Variants in BMPR2 observed in about 807,000 individuals in gnomAD.
BMPR2 encodes the protein bone morphogenetic protein receptor type-2.
In BMPR2, 29 loss-of-function variants were observed where a neutral mutation model predicts 100.8. That is an observed-to-expected ratio of 0.29 (90% CI 0.21 to 0.39). The LOEUF is 0.39. Ranked by LOEUF, BMPR2 falls within the 10% of genes least tolerant of loss-of-function variation. The pLI, the probability that BMPR2 is intolerant of heterozygous loss-of-function variation, is 1.00. For missense variants in BMPR2, 1,011 were observed against 1,274.5 expected (o/e 0.79, Z 3.15); for synonymous variants, 382 against 442.3 (o/e 0.86, Z 1.71).
At chr2:202,411,597 A>T (rs1455583652) in intron 1 of BMPR2, among the ~76,000 whole-genome samples, 2 of 151,964 alleles carry the variant, frequency 1.3e-5, no homozygotes, top group Non-Finnish European at 2.9e-5. Context: ...AGCAGGAGTG[A>T]CTCCATTCAG....
intron 1 of BMPR2, among the ~76,000 whole-genome samples, chr2:202,413,146 G>A (rs534452411): frequency 6.6e-6 from 1 of 152,142 alleles, no homozygotes; most frequent in African/African-American, 2.4e-5. Flanking sequence ...CTTGTTTCAG[G>A]TCTCATGCCA....
intron 2 of BMPR2, among the ~76,000 whole-genome samples, chr2:202,466,747 C>T (rs1201916114): frequency 6.6e-6 from 1 of 151,836 alleles, no homozygotes; most frequent in African/African-American, 2.4e-5. Flanking sequence ...CACAACTAGG[C>T]ACCACCATTC....
chr2:202,535,911 C>T (rs956793671), intron 9 of BMPR2, among the ~76,000 whole-genome samples: 1 of 152,188 alleles, frequency 6.6e-6, no homozygotes, highest in Non-Finnish European at 1.5e-5. Context: ...AGCGAAACCC[C>T]GTCTCCACCA....
intron 3 of BMPR2, among the ~76,000 whole-genome samples, chr2:202,512,205 C>CT (rs1436549598): frequency 1.3e-5 from 2 of 152,164 alleles, no homozygotes; most frequent in Non-Finnish European, 2.9e-5. Flanking sequence ...TAGAGGAACT[C>CT]TTTGCCGTAG....
intron 1 of BMPR2, among the ~76,000 whole-genome samples, chr2:202,386,151 A>G (rs1425843703): frequency 6.6e-6 from 1 of 152,000 alleles, no homozygotes; most frequent in Non-Finnish European, 1.5e-5. Flanking sequence ...GTCTGCACCC[A>G]CCCTCTTGGT....
At chr2:202,483,391 T>A (rs1559052031) in intron 3 of BMPR2, among the ~76,000 whole-genome samples, 1 of 151,402 alleles carries the variant, frequency 6.6e-6, no homozygotes, top group South Asian at 2.1e-4. Context: ...TTGTTTTTGT[T>A]TTTTTTTTGA....
At chr2:202,546,534 C>T (rs1391355501) in intron 10 of BMPR2, among the ~76,000 whole-genome samples, 2 of 152,108 alleles carry the variant, frequency 1.3e-5, no homozygotes, top group Admixed American at 6.5e-5. Context: ...CTTTTTCTTC[C>T]TATATGTTTC....
intron 12 of BMPR2, among the ~76,000 whole-genome samples, chr2:202,558,155 C>T (rs974940207): frequency 1.3e-5 from 2 of 152,108 alleles, no homozygotes; most frequent in Admixed American, 6.5e-5. Context: ...TCCATCTCTA[C>T]AAAAAATTTA....
rs1201258357 is a variant in BMPR2 at position 202,450,699 on chromosome 2, A to G, written c.77-14110A>G. Among the ~76,000 whole-genome samples, 7 of 151,928 alleles carry G rather than the reference A, an allele frequency of 4.6e-5. No individual in the cohort carries two copies. In the East Asian group the frequency reaches 1.3e-3, roughly 29 times the overall value. Reference sequence around the variant, plus strand: ...AAAGTGAAACTCCATCTCAAAAAAAAAAAAAAAAAAAAAGATTTCACCATA... The same window carrying G: ...AAAGTGAAACTCCATCTCAAAAAAAGAAAAAAAAAAAAAGATTTCACCATA... On this transcript the variant is annotated intron_variant, in intron 1 of 12. Transcript: ENST00000374580.
At chr2:202,450,416 G>A (rs1691953583) in intron 1 of BMPR2, among the ~76,000 whole-genome samples, 1 of 152,182 alleles carries the variant, frequency 6.6e-6, no homozygotes, top group Non-Finnish European at 1.5e-5. Context: ...CATGGGCTGG[G>A]CGAGGTGGCT....
intron 1 of BMPR2, among the ~76,000 whole-genome samples, chr2:202,394,367 A>G (rs1227424042): frequency 2.0e-5 from 3 of 151,496 alleles, no homozygotes; most frequent in Non-Finnish European, 4.4e-5. Context: ...AAAAAAAGTA[A>G]TAATAATAAT....
chr2:202,496,714 A>G (rs1178109671), intron 3 of BMPR2, among the ~76,000 whole-genome samples: 1 of 152,230 alleles, frequency 6.6e-6, no homozygotes, highest in Non-Finnish European at 1.5e-5. Context: ...GGAAAAAATA[A>G]TGTTCAGAAC....
chr2:202,470,682 T>G (rs1692418815), intron 3 of BMPR2, among the ~76,000 whole-genome samples: 1 of 147,408 alleles, frequency 6.8e-6, no homozygotes, highest in Admixed American at 6.9e-5. Context: ...GAGAATGGCG[T>G]GAACCCGGGA....
At chr2:202,387,795 G>T (rs1574421409) in intron 1 of BMPR2, among the ~76,000 whole-genome samples, 2 of 152,230 alleles carry the variant, frequency 1.3e-5, no homozygotes, top group East Asian at 3.9e-4. Flanking sequence ...TGTTCTTAGT[G>T]ATTAAAACCC....
chr2:202,417,789 G>T (rs1691166953), intron 1 of BMPR2, among the ~76,000 whole-genome samples: 2 of 151,394 alleles, frequency 1.3e-5, no homozygotes, highest in Non-Finnish European at 2.9e-5. Context: ...TGCCATCTCG[G>T]CTCACTGCAA....
chr2:202,543,191 C>CATATATATATATATTTATATACATATAT (rs1688309142), intron 10 of BMPR2, among the ~76,000 whole-genome samples: 2 of 101,444 alleles, frequency 2.0e-5, no homozygotes, highest in African/African-American at 9.1e-5. Flanking sequence ...AAAAAAAAAG[C>CATATATATATATATTTATATACATATAT]ATATATATAT....
chr2:202,456,063 CAAAAAAAAAAAAAAAAAAA>C (rs750470872), intron 1 of BMPR2, among the ~76,000 whole-genome samples: 28 of 36,762 alleles, frequency 7.6e-4, no homozygotes, highest in South Asian at 4.7e-3. Flanking sequence ...AGACCCGTCT[CAAAAAAAAAAAAAAAAAAA>C]AAAAAAAAAA....
intron 1 of BMPR2, among the ~76,000 whole-genome samples, chr2:202,452,764 C>T (rs1574456989): frequency 6.6e-6 from 1 of 152,280 alleles, no homozygotes; most frequent in African/African-American, 2.4e-5. Flanking sequence ...GGACTCAGCC[C>T]CTGCTCTTAT....
chr2:202,402,960 A>G (rs1488523183), intron 1 of BMPR2, among the ~76,000 whole-genome samples: 1 of 135,538 alleles, frequency 7.4e-6, no homozygotes. Context: ...TCCGGAGTAG[A>G]TGGGATTACA....
Sources: allele counts gnomAD v4.1 joint callset (sites outside exome capture counted in the v4.1 genomes callset), GRCh38; gene constraint gnomAD v4.1.1; transcripts MANE v1.5; gene names NCBI Gene and HGNC (gene_info 2026-07-23, HGNC 2026-07-21).